Variants in LSAMP observed in about 807,000 individuals in gnomAD.
The protein encoded by LSAMP is limbic system associated membrane protein.
In LSAMP, 7 loss-of-function variants were observed where a neutral mutation model predicts 38.6. The ratio of observed to expected loss-of-function variants is 0.18; its 90% CI spans 0.10 to 0.34. LSAMP has a LOEUF of 0.34. LSAMP is among the 10% of genes least tolerant of loss of function. The probability of loss-of-function intolerance (pLI) is 1.00; values close to 1 mark genes in which losing one functional copy is unlikely to be tolerated. For synonymous variants in LSAMP, 154 were observed against 166.8 expected (o/e 0.92, Z 0.59); for missense variants, 313 against 420.0 (o/e 0.75, Z 2.23).
At chr3:116,156,451 G>A (rs1043824336) in intron 1 of LSAMP, among the ~76,000 whole-genome samples, 4 of 152,188 alleles carry the variant, frequency 2.6e-5, no homozygotes, top group African/African-American at 9.6e-5. Context: ...GGGATTAGGT[G>A]AACAGCATGA....
chr3:115,873,881 G>C (rs968294338), intron 3 of LSAMP, among the ~76,000 whole-genome samples: 1 of 152,034 alleles, frequency 6.6e-6, no homozygotes, highest in African/African-American at 2.4e-5. Context: ...CTTCCCATTT[G>C]TTCCCTCTAA....
chr3:116,178,002 A>G (rs1710392096), intron 1 of LSAMP, among the ~76,000 whole-genome samples: 1 of 152,212 alleles, frequency 6.6e-6, no homozygotes, highest in East Asian at 1.9e-4. Context: ...AGAGGAGCTT[A>G]GAGCTTAAAT....
At position 115,994,286 on chromosome 3, in the gene LSAMP, G is replaced by A. The variant is rs144393354; in HGVS notation, c.514+25229C>T. On this transcript the variant is annotated intron_variant, in intron 3 of 6. Transcript: ENST00000490035. ...GAAATTTTATGAGTCTACCACCTGG[G>A]GATTTGTGAGGAGTGACTTCTAAAG... Among the ~76,000 whole-genome samples the A allele has an allele frequency of 1.2e-3, 184 of 152,074 alleles. 5 individuals are homozygous for A. In the East Asian group the frequency reaches 0.031, roughly 26 times the overall value.
intron 1 of LSAMP, among the ~76,000 whole-genome samples, chr3:116,104,659 A>G (rs912751349): frequency 7.2e-5 from 11 of 152,164 alleles, no homozygotes; most frequent in African/African-American, 2.7e-4. Flanking sequence ...AAAATAATAT[A>G]TTTCTTACAG....
At chr3:116,228,020 C>T (rs1449152357) in intron 1 of LSAMP, among the ~76,000 whole-genome samples, 1 of 152,034 alleles carries the variant, frequency 6.6e-6, no homozygotes, top group African/African-American at 2.4e-5. Context: ...TTAAAGGTAG[C>T]CTAAGCCTGG....
In LSAMP at chr3:116,107,291, G is replaced by A. The variant is rs568144818; in HGVS notation, c.156-20735C>T. Among the ~76,000 whole-genome samples, 9 of 152,302 alleles carry A rather than the reference G, an allele frequency of 5.9e-5. No homozygotes were observed. In the East Asian group the frequency reaches 7.7e-4, roughly 13 times the overall value. ...AGCCGGGGAGCAGAAAAGTATATGCGTCAGGTATGAGGAAGAAAATAGATT... is the reference window on the plus strand; with the variant it reads ...AGCCGGGGAGCAGAAAAGTATATGCATCAGGTATGAGGAAGAAAATAGATT... On this transcript the variant is annotated intron_variant, in intron 1 of 6. Transcript: ENST00000490035.
chr3:116,375,617 A>G (rs1340794242), intron 1 of LSAMP, among the ~76,000 whole-genome samples: 1 of 151,846 alleles, frequency 6.6e-6, no homozygotes, highest in Non-Finnish European at 1.5e-5. Flanking sequence ...TTTTAACAAA[A>G]GTATTTTTGT....
chr3:116,305,122 T>C (rs1456883134), intron 1 of LSAMP, among the ~76,000 whole-genome samples: 1 of 152,124 alleles, frequency 6.6e-6, no homozygotes, highest in Non-Finnish European at 1.5e-5. Context: ...TCCAATATCC[T>C]TCCCTATTCC....
intron 1 of LSAMP, among the ~76,000 whole-genome samples, chr3:116,433,106 G>C (rs1216717399): frequency 1.3e-5 from 2 of 152,160 alleles, no homozygotes; most frequent in Non-Finnish European, 2.9e-5. Context: ...ACATATGCTA[G>C]AGTGAGGTGT....
At chr3:115,816,299 T>C (rs1019885866) in intron 6 of LSAMP, among the ~76,000 whole-genome samples, 5 of 152,084 alleles carry the variant, frequency 3.3e-5, no homozygotes, top group Admixed American at 6.5e-5. Context: ...ATTTCCAAAA[T>C]TGCAGCTCTG....
intron 3 of LSAMP, among the ~76,000 whole-genome samples, chr3:116,009,712 C>T (rs1310677278): frequency 6.6e-6 from 1 of 152,088 alleles, no homozygotes; most frequent in Non-Finnish European, 1.5e-5. Context: ...ACTTCCAGCT[C>T]TTGTAACGGG....
chr3:115,853,872 C>T (rs1297711954), intron 3 of LSAMP, among the ~76,000 whole-genome samples: 1 of 152,156 alleles, frequency 6.6e-6, no homozygotes, highest in Non-Finnish European at 1.5e-5. Flanking sequence ...TAAATGGTAC[C>T]AGTCATTAGC....
chr3:116,014,102 T>A (rs558399254), intron 3 of LSAMP, among the ~76,000 whole-genome samples: 52 of 152,308 alleles, frequency 3.4e-4, no homozygotes, highest in African/African-American at 1.3e-3. Context: ...TGGATTGACT[T>A]ACAATTTTTT....
intron 6 of LSAMP, among the ~76,000 whole-genome samples, chr3:115,811,891 A>G (rs1206651806): frequency 6.6e-6 from 1 of 152,228 alleles, no homozygotes; most frequent in African/African-American, 2.4e-5. Flanking sequence ...ATCGAGGCAC[A>G]GGGAGATTGG....
At chr3:116,389,875 C>T (rs1426979199) in intron 1 of LSAMP, among the ~76,000 whole-genome samples, 1 of 152,128 alleles carries the variant, frequency 6.6e-6, no homozygotes, top group African/African-American at 2.4e-5. Context: ...AATACAAACT[C>T]TAATTACTAA....
At chr3:116,163,615 T>C (rs1709955995) in intron 1 of LSAMP, among the ~76,000 whole-genome samples, 1 of 152,096 alleles carries the variant, frequency 6.6e-6, no homozygotes, top group South Asian at 2.1e-4. Flanking sequence ...CTGGGTCAAA[T>C]GGTATTTCTA....
intron 1 of LSAMP, among the ~76,000 whole-genome samples, chr3:116,168,442 T>C (rs1576407412): frequency 6.6e-6 from 1 of 152,312 alleles, no homozygotes; most frequent in East Asian, 1.9e-4. Context: ...GATTGCCAAG[T>C]TGTCCTTTGA....
chr3:115,848,087 AAGAATAAACTAAAG>A (rs1935217268), intron 4 of LSAMP, among the ~76,000 whole-genome samples: 1 of 152,222 alleles, frequency 6.6e-6, no homozygotes, highest in Non-Finnish European at 1.5e-5. Flanking sequence ...ACCCACAGGC[AAGAATAAACTAAAG>A]ATGAGCATGG....
rs370465915 is a variant in LSAMP at position 116,071,796 on chromosome 3, G to A, written c.388+14528C>T. 8.5e-4 allele frequency among the ~76,000 whole-genome samples: 129 copies of A among 152,098 alleles called. No homozygotes were observed. In the South Asian group the frequency reaches 0.011, roughly 13 times the overall value. Reference sequence around the variant, plus strand: ...CCCAGTGTGTGTTGTTCCCCCTCAAGTGTCCATATGTTTTCATCATTCAGC... The same window carrying A: ...CCCAGTGTGTGTTGTTCCCCCTCAAATGTCCATATGTTTTCATCATTCAGC... On this transcript the variant is annotated intron_variant, in intron 2 of 6. Transcript: ENST00000490035.
Sources: allele counts gnomAD v4.1 joint callset (sites outside exome capture counted in the v4.1 genomes callset), GRCh38; gene constraint gnomAD v4.1.1; transcripts MANE v1.5; gene names NCBI Gene and HGNC (gene_info 2026-07-23, HGNC 2026-07-21).